The following HOXC6 variants were observed in gnomAD, a reference collection of about 807,000 sequenced individuals.
HOXC6 encodes homeobox C6.
HOXC6 carries 10 observed loss-of-function variants against 24.0 expected under a neutral mutation model. The observed-to-expected ratio is 0.42, with a 90% CI of 0.26 to 0.71. The LOEUF (loss-of-function observed/expected upper bound fraction) is 0.71. Ranked by LOEUF, HOXC6 falls within the 30% of genes least tolerant of loss-of-function variation. The pLI is 0.28. For missense variants in HOXC6, 258 were observed against 303.4 expected (o/e 0.85, Z 1.11); for synonymous variants, 123 against 128.1 (o/e 0.96, Z 0.27).
upstream of HOXC6, among the ~76,000 whole-genome samples, chr12:54,024,334 A>G (rs1036910837): frequency 2.6e-5 from 4 of 152,180 alleles, no homozygotes; most frequent in Non-Finnish European, 5.9e-5. Context: ...CTGAGGCTCC[A>G]GTGCTTGGGT....
upstream of HOXC6, among the ~76,000 whole-genome samples, chr12:54,024,225 A>G (rs1170170214): frequency 1.3e-5 from 2 of 152,068 alleles, no homozygotes; most frequent in African/African-American, 4.8e-5. Context: ...CTTGCTCAGA[A>G]AAGTGAGACT....
upstream of HOXC6, chr12:54,028,408 C>G (rs1228511852): frequency 1.2e-5 from 14 of 1,214,990 alleles, no homozygotes; most frequent in Non-Finnish European, 1.6e-5. Context: ...CTGACTTTGT[C>G]ATTTTGTCTG....
chr12:54,020,776 C>T (rs915610740), intron 1 of HOXC6: 1 of 152,178 alleles, frequency 6.6e-6, no homozygotes, highest in African/African-American at 2.4e-5. Flanking sequence ...TCACTGGAAT[C>T]GGAGTATGCG....
upstream of HOXC6, chr12:54,028,417 T>G (rs1940826895): frequency 7.9e-7 from 1 of 1,262,676 alleles, no homozygotes; most frequent in Admixed American, 2.4e-5. Flanking sequence ...TCATTTTGTC[T>G]GTCCTGGATT....
intron 1 of HOXC6, among the ~76,000 whole-genome samples, chr12:54,017,893 T>C (rs1940228848): frequency 6.7e-6 from 1 of 149,036 alleles, no homozygotes; most frequent in Non-Finnish European, 1.5e-5. Context: ...CAGCTTCCCC[T>C]CCCTGTCTGG....
At chr12:54,017,016 T>G (rs949078895) in exon 1 of HOXC6, 1 of 144,012 alleles carries the variant, frequency 6.9e-6, no homozygotes, top group African/African-American at 2.5e-5. Context: ...TAATTTTTTT[T>G]CCTCCCAGGT....
chr12:54,028,530 C>G lies in HOXC6; in HGVS notation c.9C>G (p.Ser3=). ...CAGGTAAAGGCAAAGGGATGAATTC[C>G]TACTTCACTAACCCTTCCTTATCCT... MN[S]YFTNPSLSCH... The change falls in exon 1 of 2, where the codon TCC becomes TCG. Residue 3 remains serine (S), a synonymous_variant. Coordinates refer to ENST00000243108, the MANE Select transcript of HOXC6 (RefSeq NM_004503.4). 6.2e-7 allele frequency: 1 copy of G among 1,613,684 alleles called. No homozygotes were observed. The highest frequency in any genetic ancestry group is 8.5e-7 in the Non-Finnish European group (1 of 1,179,756).
rs750347742 is a variant in HOXC6 at position 54,028,689 on chromosome 12, G to A, written c.168G>A (p.Ser56=). 6.2e-7 allele frequency: 1 copy of A among 1,613,928 alleles called. No individual in the cohort carries two copies. The highest frequency in any genetic ancestry group is 8.5e-7 in the Non-Finnish European group (1 of 1,179,988). Reference sequence around the variant, plus strand: ...GGATCTACTCGACTCCCTTTTATTCGCCACAGGAGAATGTCGTGTTCAGTT... The same window carrying A: ...GGATCTACTCGACTCCCTTTTATTCACCACAGGAGAATGTCGTGTTCAGTT... The part of the protein sequence containing the change: ...QNRIYSTPFY[S]PQENVVFSSS... The change falls in exon 1 of 2, where the codon TCG becomes TCA. Residue 56 remains serine, a synonymous_variant. Coordinates refer to ENST00000243108, the MANE Select transcript of HOXC6 (RefSeq NM_004503.4).
rs1385463830 is a variant in HOXC6 at position 54,028,758 on chromosome 12, G to A, written c.237G>A (p.Gln79=). 6.2e-7 allele frequency: 1 copy of A among 1,614,066 alleles called. No individual in the cohort carries two copies. Among genetic ancestry groups the A allele is most frequent in the Non-Finnish European group, 8.5e-7 (1 of 1,180,024 alleles). Residue 79 remains glutamine, a synonymous_variant, in exon 1 of 2, where the codon CAG becomes CAA. Transcript: ENST00000243108. The stretch of plus-strand genomic sequence containing the variant: ...ACTATGGATCTAATTCCTTTTACCA[G>A]GAGAAAGACATGCTCTCAAACTGCA... ...PYDYGSNSFY[Q]EKDMLSNCRQ...
rs770006440 is a variant in HOXC6, at chr12:54,028,724, G to A, written c.203G>A (p.Gly68Glu). ...QENVVFSSSR[G>E]PYDYGSNSFY... is the part of the protein sequence containing the mutation. ...AATGTCGTGTTCAGTTCCAGCCGGG[G>A]GCCGTATGACTATGGATCTAATTCC... The change falls in exon 1 of 2, where the codon GGG becomes GAG. Residue 68 changes from glycine (G) to glutamate (E), a missense_variant. By Grantham distance (98) the Gly-to-Glu change is moderately conservative. Transcript: ENST00000243108. 6.2e-7 allele frequency: 1 copy of A among 1,614,116 alleles called. No individual in the cohort carries two copies. The highest frequency in any genetic ancestry group is 8.5e-7 in the Non-Finnish European group (1 of 1,180,034).
chr12:54,025,204 A>G (rs971660960), upstream of HOXC6, among the ~76,000 whole-genome samples: 2 of 152,180 alleles, frequency 1.3e-5, no homozygotes, highest in African/African-American at 4.8e-5. Context: ...ACAGAGCACA[A>G]CTGCAGTTTT....
Position 54,028,470 on chromosome 12 carries a change from G to A in HOXC6, c.-52G>A. Reference sequence around the variant, plus strand: ...CATCTAGTTCCGAGTACAAACTGGAGACAGAAATAAATATTAAAGAAATCA... The same window carrying A: ...CATCTAGTTCCGAGTACAAACTGGAAACAGAAATAAATATTAAAGAAATCA... On this transcript the variant is annotated 5_prime_UTR_variant, in exon 1 of 2. Transcript: ENST00000243108. 1.3e-6 allele frequency: 2 copies of A among 1,565,026 alleles called. No homozygotes were observed. The highest frequency in any genetic ancestry group is 2.2e-5 in the East Asian group (1 of 44,490).
chr12:54,025,914 C>T (rs1940674287), upstream of HOXC6, among the ~76,000 whole-genome samples: 1 of 151,962 alleles, frequency 6.6e-6, no homozygotes, highest in African/African-American at 2.4e-5. Context: ...CCCCAGAAGC[C>T]CCTTCTTTCT....
chr12:54,026,282 T>A (rs1026089279), upstream of HOXC6, among the ~76,000 whole-genome samples: 2 of 152,086 alleles, frequency 1.3e-5, no homozygotes, highest in African/African-American at 4.8e-5. Flanking sequence ...CCTGCCTTGT[T>A]GTCTCTCCCC....
Position 54,029,967 on chromosome 12 carries a change from G to T in HOXC6, c.*5G>T. 1.9e-6 allele frequency: 3 copies of T among 1,538,792 alleles called. No individual in the cohort carries two copies. The South Asian group carries it at 3.7e-5, about 19-fold the overall frequency. On this transcript the variant is annotated 3_prime_UTR_variant, in exon 2 of 2. Coordinates refer to ENST00000243108, the MANE Select transcript of HOXC6 (RefSeq NM_004503.4). ...GAGGAGAAGCAGAAAGAGTGACCAG[G>T]ACTGTCCCTGCCACCCCTCTCTCCC...
chr12:54,027,297 T>A (rs1940762418), upstream of HOXC6, among the ~76,000 whole-genome samples: 1 of 152,210 alleles, frequency 6.6e-6, no homozygotes, highest in South Asian at 2.1e-4. Context: ...CTTTCTGAAG[T>A]CTCCAAGCCT....
Position 54,029,713 on chromosome 12 carries a change from C to T in HOXC6, c.459C>T (p.Thr153=). The T allele has an allele frequency of 6.2e-7, 1 of 1,614,184 alleles. No individual in the cohort carries two copies. The highest frequency in any genetic ancestry group is 8.5e-7 in the Non-Finnish European group (1 of 1,180,032). The change falls in exon 2 of 2, where the codon ACC becomes ACT. Residue 153 remains threonine, a synonymous_variant. Transcript: ENST00000243108. ...RGRQIYSRYQ[T]LELEKEFHFN... ...GCCAGATCTACTCGCGGTACCAGACCCTGGAACTGGAGAAGGAATTTCACT... is the reference window on the plus strand; with the variant it reads ...GCCAGATCTACTCGCGGTACCAGACTCTGGAACTGGAGAAGGAATTTCACT...
chr12:54,019,550 C>T (rs1940334278), intron 1 of HOXC6, among the ~76,000 whole-genome samples: 1 of 152,212 alleles, frequency 6.6e-6, no homozygotes, highest in South Asian at 2.1e-4. Context: ...GCCCCCGCCC[C>T]TGTGGATGGC....
At chr12:54,019,134 A>T (rs1480007528) in intron 1 of HOXC6, among the ~76,000 whole-genome samples, 1 of 129,180 alleles carries the variant, frequency 7.7e-6, no homozygotes, top group Non-Finnish European at 1.6e-5. Context: ...CCTCTGAGGT[A>T]TTCTCCCGCG....
Sources: allele counts gnomAD v4.1 joint callset (sites outside exome capture counted in the v4.1 genomes callset), GRCh38; gene constraint gnomAD v4.1.1; transcripts MANE v1.5; gene names NCBI Gene and HGNC (gene_info 2026-07-23, HGNC 2026-07-21).